The following GABRB1 variants were observed in gnomAD, a reference collection of about 807,000 sequenced individuals.
GABRB1 encodes gamma-aminobutyric acid receptor subunit beta-1.
GABRB1 carries 17 observed loss-of-function variants against 51.6 expected under a neutral mutation model. The observed-to-expected ratio is 0.33, with a 90% confidence interval of 0.23 to 0.49. GABRB1 has a LOEUF of 0.49. Among genes scored for constraint, GABRB1 ranks in the 20% least tolerant of loss-of-function variants. GABRB1 has a pLI of 0.99. For synonymous variants in GABRB1, 247 were observed against 218.9 expected (o/e 1.13, Z -1.14); for missense variants, 410 against 600.6 (o/e 0.68, Z 3.32).
intron 4 of GABRB1, among the ~76,000 whole-genome samples, chr4:47,249,690 G>A (rs1429309353): frequency 1.3e-5 from 2 of 152,086 alleles, no homozygotes; most frequent in Admixed American, 1.3e-4. Flanking sequence ...GTCCCTCTTT[G>A]TCTCTTCTAA....
chr4:47,178,908 A>G (rs1344962805), intron 4 of GABRB1, among the ~76,000 whole-genome samples: 1 of 152,094 alleles, frequency 6.6e-6, no homozygotes, highest in Non-Finnish European at 1.5e-5. Context: ...TTTTATCTCC[A>G]TCCTTATTGG....
intron 4 of GABRB1, among the ~76,000 whole-genome samples, chr4:47,245,414 C>T (rs1334229383): frequency 6.6e-6 from 1 of 152,110 alleles, no homozygotes; most frequent in Non-Finnish European, 1.5e-5. Context: ...TTCAATTATT[C>T]ATCACGTAAA....
At chr4:47,293,399 A>G (rs1425413729) in intron 4 of GABRB1, among the ~76,000 whole-genome samples, 1 of 152,166 alleles carries the variant, frequency 6.6e-6, no homozygotes, top group African/African-American at 2.4e-5. Flanking sequence ...TCGGCCTCCC[A>G]AAGTGCTGGG....
chr4:47,246,299 T>TATACACAC (rs1329276891), intron 4 of GABRB1, among the ~76,000 whole-genome samples: 1 of 84,170 alleles, frequency 1.2e-5, no homozygotes, highest in African/African-American at 4.7e-5. Flanking sequence ...TATATATATA[T>TATACACAC]ACACACACAC....
intron 1 of GABRB1, among the ~76,000 whole-genome samples, chr4:47,011,150 G>A (rs1577822796): frequency 6.6e-6 from 1 of 152,320 alleles, no homozygotes; most frequent in East Asian, 1.9e-4. Flanking sequence ...TAAAAATTGA[G>A]AGGAAATGCA....
chr4:47,119,806 A>C (rs1715685687), intron 3 of GABRB1, among the ~76,000 whole-genome samples: 1 of 152,094 alleles, frequency 6.6e-6, no homozygotes, highest in Admixed American at 6.6e-5. Flanking sequence ...ACTGGGCAGA[A>C]CATTTTTAAA....
chr4:47,179,315 T>A (rs915367067), intron 4 of GABRB1, among the ~76,000 whole-genome samples: 1 of 152,148 alleles, frequency 6.6e-6, no homozygotes, highest in African/African-American at 2.4e-5. Flanking sequence ...ATATCACATT[T>A]TCTTTATCCA....
intron 4 of GABRB1, among the ~76,000 whole-genome samples, chr4:47,290,378 AC>A (rs1196418056): frequency 6.6e-6 from 1 of 152,196 alleles, no homozygotes; most frequent in East Asian, 1.9e-4. Context: ...GGCCTCCTCC[AC>A]CACATGGAAA....
At chr4:47,374,959 A>C (rs1279116868) in intron 5 of GABRB1, among the ~76,000 whole-genome samples, 3 of 152,264 alleles carry the variant, frequency 2.0e-5, no homozygotes, top group Non-Finnish European at 2.9e-5. Flanking sequence ...AAAATGGTTA[A>C]GGATCCAAAA....
intron 3 of GABRB1, among the ~76,000 whole-genome samples, chr4:47,081,068 G>A (rs1351379530): frequency 1.3e-5 from 2 of 152,122 alleles, no homozygotes; most frequent in African/African-American, 4.8e-5. Context: ...GTTTAACAAT[G>A]AATAACGATT....
At chr4:47,248,054 G>A (rs1309843824) in intron 4 of GABRB1, among the ~76,000 whole-genome samples, 1 of 151,948 alleles carries the variant, frequency 6.6e-6, no homozygotes, top group Non-Finnish European at 1.5e-5. Flanking sequence ...CTGTGTTAAA[G>A]AGGAGTGGTG....
chr4:47,239,075 T>C (rs1721430099), intron 4 of GABRB1, among the ~76,000 whole-genome samples: 1 of 152,204 alleles, frequency 6.6e-6, no homozygotes, highest in Non-Finnish European at 1.5e-5. Flanking sequence ...TTTTTAACTT[T>C]TTAATTGAGT....
intron 5 of GABRB1, among the ~76,000 whole-genome samples, chr4:47,361,723 A>G (rs888091284): frequency 6.6e-6 from 1 of 152,182 alleles, no homozygotes; most frequent in Admixed American, 6.6e-5. Context: ...TACAAATTAG[A>G]TACTGGAGAA....
chr4:47,129,427 C>A (rs901207169), intron 3 of GABRB1, among the ~76,000 whole-genome samples: 1 of 152,068 alleles, frequency 6.6e-6, no homozygotes, highest in African/African-American at 2.4e-5. Flanking sequence ...TGAATTTAGT[C>A]TTGTCAAATA....
chr4:47,039,620 T>C (rs1314969310), intron 3 of GABRB1, among the ~76,000 whole-genome samples: 1 of 152,118 alleles, frequency 6.6e-6, no homozygotes, highest in African/African-American at 2.4e-5. Context: ...CACCAGTTGG[T>C]AGTTTCTAAG....
chr4:47,307,626 A>G (rs745765247), intron 4 of GABRB1, among the ~76,000 whole-genome samples: 3 of 152,074 alleles, frequency 2.0e-5, no homozygotes, highest in Non-Finnish European at 4.4e-5. Flanking sequence ...ATTAAATTCA[A>G]CAACACAAAT....
Position 47,100,335 on chromosome 4 carries a change from T to A in GABRB1, c.241-60914T>A, listed in dbSNP as rs968917408. On this transcript the variant is annotated intron_variant, in intron 3 of 8. Coordinates refer to ENST00000295454, the MANE Select transcript of GABRB1 (RefSeq NM_000812.4). ...CAAAACTGCTTTTACTTCAGGAGGATCCCTGTTCTTTAGGATATAGGGTCT... is the reference window on the plus strand; with the variant it reads ...CAAAACTGCTTTTACTTCAGGAGGAACCCTGTTCTTTAGGATATAGGGTCT... Among the ~76,000 whole-genome samples the A allele has an allele frequency of 2.0e-5, 3 of 152,062 alleles. No homozygotes were observed. In the East Asian group the frequency reaches 5.8e-4, roughly 29 times the overall value.
At chr4:47,172,300 CTGAT>C (rs1438225017) in intron 4 of GABRB1, among the ~76,000 whole-genome samples, 1 of 152,128 alleles carries the variant, frequency 6.6e-6, no homozygotes, top group Non-Finnish European at 1.5e-5. Flanking sequence ...TCTAAGTAAT[CTGAT>C]TGAAGTTAAT....
chr4:47,091,981 A>G (rs1560530093), intron 3 of GABRB1, among the ~76,000 whole-genome samples: 1 of 151,996 alleles, frequency 6.6e-6, no homozygotes, highest in African/African-American at 2.4e-5. Flanking sequence ...TTCTTCTTCA[A>G]AGATACTTCC....
Sources: gnomAD v4.1 joint callset for allele counts (sites outside exome capture counted in the v4.1 genomes callset) on GRCh38, gnomAD v4.1.1 for gene constraint, MANE v1.5 for transcripts, NCBI Gene and HGNC (gene_info 2026-07-23, HGNC 2026-07-21) for gene names.